Variants in FOXP1 observed in about 807,000 individuals in gnomAD.
FOXP1 encodes the protein forkhead box protein P1.
In FOXP1, 15 loss-of-function variants were observed where a neutral mutation model predicts 98.2. The ratio of observed to expected loss-of-function variants is 0.15; its 90% CI spans 0.10 to 0.24. The LOEUF is 0.24. Ranked by LOEUF, FOXP1 falls within the 10% of genes least tolerant of loss-of-function variation. The pLI is 1.00. For missense variants in FOXP1, 633 were observed against 848.5 expected, an observed-to-expected ratio of 0.75 and a Z score of 3.15; for synonymous variants, 371 against 314.5, an observed-to-expected ratio of 1.18 and a Z score of -1.90.
rs7652947 is a variant in FOXP1 at position 71,553,964 on chromosome 3, C to T, written c.-298+27585G>A. On this transcript the variant is annotated intron_variant, in intron 2 of 20. Transcript: ENST00000649528. ...GATGCAATTATAAAATATATGGTCACTATAATCACTTCCAAGTATGGTACA... is the reference window on the plus strand; with the variant it reads ...GATGCAATTATAAAATATATGGTCATTATAATCACTTCCAAGTATGGTACA... Among the ~76,000 whole-genome samples, 598 of 152,224 alleles carry T rather than the reference C, an allele frequency of 3.9e-3. 3 individuals are homozygous for T. Among genetic ancestry groups the T allele is most frequent in the African/African-American group, 0.013 (544 of 41,536 alleles).
intron 5 of FOXP1, among the ~76,000 whole-genome samples, chr3:71,242,961 C>A (rs1382082788): frequency 4.6e-5 from 7 of 152,084 alleles, no homozygotes; most frequent in African/African-American, 1.7e-4. Flanking sequence ...AGGGCAAATT[C>A]ACTCCATCAA....
chr3:71,527,739 AAT>A (rs2043511219), intron 2 of FOXP1, among the ~76,000 whole-genome samples: 1 of 152,218 alleles, frequency 6.6e-6, no homozygotes, highest in African/African-American at 2.4e-5. Context: ...AGAGAAAAAA[AAT>A]ATATGTTTGT....
chr3:71,194,274 A>AAAAAAG (rs1485438550), intron 6 of FOXP1, among the ~76,000 whole-genome samples: 2 of 151,642 alleles, frequency 1.3e-5, no homozygotes, highest in African/African-American at 4.8e-5. Flanking sequence ...AAAAAAAAAA[A>AAAAAAG]AAAGAAAGAA....
intron 12 of FOXP1, among the ~76,000 whole-genome samples, chr3:71,007,240 C>A (rs561435970): frequency 6.6e-6 from 1 of 152,256 alleles, no homozygotes; most frequent in African/African-American, 2.4e-5. Flanking sequence ...CTTGTCACCT[C>A]AGATCTGATG....
chr3:71,261,995 C>T (rs947768506), intron 5 of FOXP1, among the ~76,000 whole-genome samples: 4 of 151,902 alleles, frequency 2.6e-5, no homozygotes, highest in African/African-American at 9.7e-5. Context: ...CGGCCGAGTG[C>T]GGTGGCTCAC....
intron 5 of FOXP1, among the ~76,000 whole-genome samples, chr3:71,207,474 C>T (rs2064133487): frequency 6.6e-6 from 1 of 152,090 alleles, no homozygotes; most frequent in Non-Finnish European, 1.5e-5. Flanking sequence ...CTCCGTTGTG[C>T]AAAAGGAACA....
intron 5 of FOXP1, among the ~76,000 whole-genome samples, chr3:71,263,611 C>T (rs934110155): frequency 6.6e-6 from 1 of 152,198 alleles, no homozygotes; most frequent in East Asian, 1.9e-4. Flanking sequence ...CATAAGGCTG[C>T]TCCACCTACT....
intron 6 of FOXP1, among the ~76,000 whole-genome samples, chr3:71,127,088 C>T (rs1575882386): frequency 6.6e-6 from 1 of 152,054 alleles, no homozygotes; most frequent in Admixed American, 6.6e-5. Context: ...GGCACCTCCA[C>T]CCTACTGTGG....
intron 6 of FOXP1, among the ~76,000 whole-genome samples, chr3:71,141,084 C>T (rs543485954): frequency 1.3e-5 from 2 of 151,890 alleles, no homozygotes; most frequent in South Asian, 2.1e-4. Context: ...CTGGCTAACT[C>T]GATGAAACCC....
intron 11 of FOXP1, among the ~76,000 whole-genome samples, chr3:71,020,903 C>A (rs1472781649): frequency 6.6e-6 from 1 of 152,108 alleles, no homozygotes; most frequent in African/African-American, 2.4e-5. Flanking sequence ...TGCCTCCCCA[C>A]AAACACCAAA....
At chr3:71,489,361 T>C (rs554902524) in intron 3 of FOXP1, among the ~76,000 whole-genome samples, 1 of 152,258 alleles carries the variant, frequency 6.6e-6, no homozygotes, top group African/African-American at 2.4e-5. Flanking sequence ...TGCGTGACGC[T>C]TATGTCTTTT....
intron 3 of FOXP1, among the ~76,000 whole-genome samples, chr3:71,408,195 C>T (rs534742327): frequency 2.2e-4 from 34 of 152,102 alleles, no homozygotes; most frequent in South Asian, 1.2e-3. Flanking sequence ...TTGCAACAGG[C>T]GGAAATTTTT....
chr3:71,033,321 G>C (rs963689101), intron 11 of FOXP1, among the ~76,000 whole-genome samples: 9 of 152,062 alleles, frequency 5.9e-5, no homozygotes, highest in Non-Finnish European at 1.3e-4. Flanking sequence ...ATTAGACACG[G>C]AATAGCCTGT....
chr3:71,107,976 T>C (rs894004671), intron 7 of FOXP1, among the ~76,000 whole-genome samples: 1 of 152,210 alleles, frequency 6.6e-6, no homozygotes. Flanking sequence ...GCCGGCCTTC[T>C]AAGTGGGTTT....
At chr3:71,344,760 C>A (rs181346118) in intron 4 of FOXP1, among the ~76,000 whole-genome samples, 2 of 152,150 alleles carry the variant, frequency 1.3e-5, no homozygotes, top group East Asian at 3.9e-4. Flanking sequence ...ATGGCTTGAA[C>A]CTGGCAGAGG....
chr3:71,001,175 G>C (rs1396214304), intron 12 of FOXP1, 116 bp from the exon 13 acceptor site: 4 of 744,180 alleles, frequency 5.4e-6, no homozygotes, highest in African/African-American at 5.2e-5. Flanking sequence ...GGAGATAGTA[G>C]TCCAGGGGGT....
At chr3:71,079,190 CCAGAGGAGGACAG>C (rs2054145258) in intron 7 of FOXP1, among the ~76,000 whole-genome samples, 1 of 152,108 alleles carries the variant, frequency 6.6e-6, no homozygotes, top group African/African-American at 2.4e-5. Context: ...CCCCTCTAGT[CCAGAGGAGGACAG>C]CAGCCCAACT....
At position 71,549,537 on chromosome 3, in the gene FOXP1, G is replaced by A. The variant is rs540232173; in HGVS notation, c.-298+32012C>T. On this transcript the variant is annotated intron_variant, in intron 2 of 20. Coordinates refer to ENST00000649528, the MANE Select transcript of FOXP1 (RefSeq NM_001349338.3). ...TCACAGGCATACACCATCACACCTG[G>A]ATAATTTTTGTGTTTTTAGTAGAGA... is the stretch of plus-strand genomic sequence containing the variant. Among the ~76,000 whole-genome samples the A allele has an allele frequency of 3.3e-5, 5 of 152,200 alleles. No individual in the cohort carries two copies. The East Asian group carries it at 9.7e-4, about 29-fold the overall frequency.
chr3:71,441,126 T>C (rs987950460), intron 3 of FOXP1, among the ~76,000 whole-genome samples: 10 of 152,220 alleles, frequency 6.6e-5, no homozygotes, highest in African/African-American at 2.4e-4. Flanking sequence ...TTCCATATTT[T>C]AGATTAGAGA....
Sources: allele counts gnomAD v4.1 joint callset (sites outside exome capture counted in the v4.1 genomes callset), GRCh38; gene constraint gnomAD v4.1.1; transcripts MANE v1.5; gene names NCBI Gene and HGNC (gene_info 2026-07-23, HGNC 2026-07-21).